The following FILIP1L variants were observed in gnomAD, a reference collection of about 807,000 sequenced individuals.
The protein encoded by FILIP1L is filamin A-interacting protein 1-like.
In FILIP1L, 55 loss-of-function variants were observed where a neutral mutation model predicts 96.6. The observed-to-expected ratio is 0.57, with a 90% CI of 0.46 to 0.71. FILIP1L has a LOEUF of 0.71. Among genes scored for constraint, FILIP1L ranks in the 30% least tolerant of loss-of-function variants. The pLI is 0.00. For missense variants in FILIP1L, 1,304 were observed against 1,321.2 expected, an observed-to-expected ratio of 0.99 and a Z score of 0.20; for synonymous variants, 467 against 473.9, an observed-to-expected ratio of 0.99 and a Z score of 0.19.
Position 99,995,102 on chromosome 3 carries a change from A to G in FILIP1L, c.-10-64072T>C, listed in dbSNP as rs148279228. The stretch of plus-strand genomic sequence containing the variant: ...CCCAAAACGCGCAGTCCAAAGTCTC[A>G]TCTGAGACAAGGCAAGTCCCTTCCA... On this transcript the variant is annotated intron_variant, in intron 1 of 5. Coordinates refer to ENST00000477258, the MANE Select transcript of FILIP1L (RefSeq NM_001387850.1). Among the ~76,000 whole-genome samples, 11 of 152,290 alleles carry G rather than the reference A, an allele frequency of 7.2e-5. No homozygotes were observed. The East Asian group carries it at 1.9e-3, about 27-fold the overall frequency.
chr3:99,840,387 C>T (rs965369937), intron 5 of FILIP1L, among the ~76,000 whole-genome samples: 3 of 151,896 alleles, frequency 2.0e-5, no homozygotes, highest in African/African-American at 7.3e-5. Context: ...CCATGCCCGG[C>T]TAATTTTTGT....
At chr3:99,987,141 GATC>G (rs1384346088) in intron 1 of FILIP1L, among the ~76,000 whole-genome samples, 1 of 151,514 alleles carries the variant, frequency 6.6e-6, no homozygotes, top group African/African-American at 2.4e-5. Context: ...GAGGCAGGAG[GATC>G]ACTTAAGCCC....
At chr3:99,957,786 G>A (rs1477568726) in intron 1 of FILIP1L, among the ~76,000 whole-genome samples, 2 of 139,236 alleles carry the variant, frequency 1.4e-5, no homozygotes, top group Non-Finnish European at 3.0e-5. Flanking sequence ...ATATAAAGCA[G>A]CACATCACAA....
chr3:99,998,573 G>A (rs1198644541), intron 1 of FILIP1L, among the ~76,000 whole-genome samples: 2 of 152,148 alleles, frequency 1.3e-5, no homozygotes, highest in Non-Finnish European at 2.9e-5. Context: ...ATTAAAGAAA[G>A]ACAAAACTCA....
Position 100,099,511 on chromosome 3 carries a change from A to G in FILIP1L, c.-11+14542T>C, listed in dbSNP as rs570677024. Among the ~76,000 whole-genome samples the G allele has an allele frequency of 8.5e-5, 13 of 152,268 alleles. No individual in the cohort carries two copies. In the East Asian group the frequency reaches 2.5e-3, roughly 29 times the overall value. ...GCCCCTGCCAGCCTCTAGGTGATAT[A>G]AAAGTATTTGTATCGGTCTAATTAT... On this transcript the variant is annotated intron_variant, in intron 1 of 5. Transcript: ENST00000477258.
At chr3:99,987,000 A>C (rs995571730) in intron 1 of FILIP1L, among the ~76,000 whole-genome samples, 1 of 144,196 alleles carries the variant, frequency 6.9e-6, no homozygotes, top group Non-Finnish European at 1.5e-5. Flanking sequence ...AGGCTGAGGT[A>C]GGAGGACTGC....
chr3:99,920,285 C>T (rs986187169), intron 4 of FILIP1L, among the ~76,000 whole-genome samples: 2 of 151,694 alleles, frequency 1.3e-5, no homozygotes, highest in African/African-American at 4.8e-5. Flanking sequence ...AGCCTTTTGC[C>T]CCATTGAAAC....
At chr3:99,937,157 C>T (rs1276496758) in intron 1 of FILIP1L, among the ~76,000 whole-genome samples, 3 of 151,938 alleles carry the variant, frequency 2.0e-5, no homozygotes, top group Admixed American at 6.6e-5. Flanking sequence ...AGGCTGGTCT[C>T]GAACTCCTGA....
At chr3:99,877,204 T>G (rs771030066) in intron 4 of FILIP1L, among the ~76,000 whole-genome samples, 1 of 152,234 alleles carries the variant, frequency 6.6e-6, no homozygotes, top group Admixed American at 6.5e-5. Flanking sequence ...AAGCTTCAGA[T>G]GAGTAATTTT....
chr3:100,030,495 A>G (rs2065005443), intron 1 of FILIP1L, among the ~76,000 whole-genome samples: 1 of 152,174 alleles, frequency 6.6e-6, no homozygotes, highest in African/African-American at 2.4e-5. Context: ...GCTCATTCTC[A>G]TTCATGCATG....
At chr3:100,103,488 T>A (rs2066342904) in intron 1 of FILIP1L, among the ~76,000 whole-genome samples, 1 of 152,220 alleles carries the variant, frequency 6.6e-6, no homozygotes, top group Non-Finnish European at 1.5e-5. Context: ...ACTGAAGATC[T>A]AGAGTCTTTA....
At chr3:99,991,940 GTA>G (rs1040765790) in intron 1 of FILIP1L, among the ~76,000 whole-genome samples, 1 of 146,872 alleles carries the variant, frequency 6.8e-6, no homozygotes, top group African/African-American at 2.5e-5. Context: ...ATATGTATGT[GTA>G]TATATGTGTA....
intron 1 of FILIP1L, among the ~76,000 whole-genome samples, chr3:100,031,155 A>G (rs1157538950): frequency 6.6e-6 from 1 of 152,148 alleles, no homozygotes; most frequent in Non-Finnish European, 1.5e-5. Context: ...TAGACTATGT[A>G]CTTAAATGTC....
chr3:99,963,036 C>T lies in FILIP1L; in HGVS notation c.-10-32006G>A, dbSNP rs182006594. Among the ~76,000 whole-genome samples, 8 of 152,304 alleles carry T rather than the reference C, an allele frequency of 5.3e-5. 1 individual carries two copies. Among genetic ancestry groups the T allele is most frequent in the South Asian group, 4.1e-4 (2 of 4,828 alleles). On this transcript the variant is annotated intron_variant, in intron 1 of 5. Transcript: ENST00000477258. ...AGGAGCTAGCCTGGGTTTTACCAGCCGTTGAGGTTGCTTGCAGCCTTAGTT... is the reference window on the plus strand; with the variant it reads ...AGGAGCTAGCCTGGGTTTTACCAGCTGTTGAGGTTGCTTGCAGCCTTAGTT...
At chr3:99,935,884 G>A (rs1707650099) in intron 1 of FILIP1L, among the ~76,000 whole-genome samples, 1 of 152,152 alleles carries the variant, frequency 6.6e-6, no homozygotes, top group African/African-American at 2.4e-5. Context: ...CTAGAAGAGA[G>A]TTTGTAATTA....
chr3:100,015,096 C>T (rs1308382588), intron 1 of FILIP1L, among the ~76,000 whole-genome samples: 1 of 151,654 alleles, frequency 6.6e-6, no homozygotes, highest in Non-Finnish European at 1.5e-5. Flanking sequence ...GGTCTAATTT[C>T]ATTCTTCCTC....
intron 1 of FILIP1L, among the ~76,000 whole-genome samples, chr3:99,987,927 T>A (rs1343053777): frequency 6.6e-6 from 1 of 152,236 alleles, no homozygotes; most frequent in Non-Finnish European, 1.5e-5. Context: ...CCTGTTGGAT[T>A]CTTGAAAGAT....
intron 1 of FILIP1L, among the ~76,000 whole-genome samples, chr3:99,938,090 C>CGT (rs1491074221): frequency 2.0e-5 from 3 of 150,332 alleles, no homozygotes; most frequent in Non-Finnish European, 4.4e-5. Flanking sequence ...CGCGCGCGCG[C>CGT]GTGCATGCAC....
At chr3:100,103,241 A>G (rs2066338655) in intron 1 of FILIP1L, among the ~76,000 whole-genome samples, 1 of 152,244 alleles carries the variant, frequency 6.6e-6, no homozygotes, top group Non-Finnish European at 1.5e-5. Context: ...ACCATGGAGA[A>G]GGCAGCAGCT....
Sources: allele counts gnomAD v4.1 joint callset (sites outside exome capture counted in the v4.1 genomes callset), GRCh38; gene constraint gnomAD v4.1.1; transcripts MANE v1.5; gene names NCBI Gene and HGNC (gene_info 2026-07-23, HGNC 2026-07-21).